Variants in CDK13 observed in about 807,000 individuals in gnomAD.
CDK13 encodes cyclin dependent kinase 13.
A neutral mutation model predicts 137.6 loss-of-function variants in CDK13; 40 were observed. The observed-to-expected ratio is 0.29, with a 90% CI of 0.23 to 0.38. CDK13 has a LOEUF of 0.38. Among genes scored for constraint, CDK13 ranks in the 10% least tolerant of loss-of-function variants. The pLI is 1.00. For synonymous variants in CDK13, 869 were observed against 760.1 expected, an observed-to-expected ratio of 1.14 and a Z score of -2.36; for missense variants, 1,704 against 1,951.8, an observed-to-expected ratio of 0.87 and a Z score of 2.39.
rs1317210492 is a variant in CDK13 at position 39,950,932 on chromosome 7, G to A, written c.291G>A (p.Arg97=). The change falls in exon 1 of 14, where the codon AGG becomes AGA. Residue 97 remains arginine (R), a synonymous_variant. Coordinates refer to ENST00000181839, the MANE Select transcript of CDK13 (RefSeq NM_003718.5). ...LEVKRLARGK[R]RAGGRQKRRR... ...TCAAGCGGCTGGCGAGAGGCAAGAG[G>A]CGCGCAGGAGGGCGGCAGAAGCGGC... The A allele has an allele frequency of 2.3e-6, 3 of 1,315,362 alleles. No individual in the cohort carries two copies. The highest frequency in any genetic ancestry group is 4.2e-5 in the Admixed American group (1 of 24,016). 81.5% of individuals were successfully genotyped at this position (1,315,362 alleles called of 1,614,324 possible).
At chr7:40,088,438 A>G in intron 12 of CDK13, 107 bp downstream of exon 12, 2 of 871,798 alleles carry the variant, frequency 2.3e-6, no homozygotes, top group Admixed American at 2.5e-5. Flanking sequence ...GAAAATTAAC[A>G]TTTATTCACT....
At chr7:39,989,859 T>C (rs1454377045) in intron 2 of CDK13, among the ~76,000 whole-genome samples, 1 of 151,566 alleles carries the variant, frequency 6.6e-6, no homozygotes, top group African/African-American at 2.4e-5. Flanking sequence ...CTCGGCTCAC[T>C]GCAAGCTCTG....
chr7:40,063,195 A>G, intron 9 of CDK13, 95 bp downstream of exon 9: 2 of 908,918 alleles, frequency 2.2e-6, no homozygotes, highest in Admixed American at 4.1e-5. Context: ...CAGGAAGAGA[A>G]CAACATGGTT....
intron 1 of CDK13, among the ~76,000 whole-genome samples, chr7:39,959,558 C>G (rs891868164): frequency 2.0e-5 from 3 of 151,570 alleles, no homozygotes; most frequent in Non-Finnish European, 1.5e-5. Flanking sequence ...CCTCCACCTC[C>G]CAGCTCAAGT....
chr7:39,999,026 AG>A (rs1784624405), intron 3 of CDK13: 1 of 168,982 alleles, frequency 5.9e-6, no homozygotes, highest in Non-Finnish European at 1.3e-5. Flanking sequence ...GAGATTGGTT[AG>A]AGAATTTTGA....
At chr7:40,043,470 C>T (rs560216397) in intron 5 of CDK13, among the ~76,000 whole-genome samples, 4 of 152,234 alleles carry the variant, frequency 2.6e-5, no homozygotes, top group African/African-American at 7.2e-5. Flanking sequence ...TAAGTCTCCT[C>T]GCTCCTGGTG....
chr7:40,075,134 A>G (rs1786518169), intron 9 of CDK13, among the ~76,000 whole-genome samples: 1 of 152,176 alleles, frequency 6.6e-6, no homozygotes, highest in Admixed American at 6.5e-5. Context: ...AGGAATATTA[A>G]AAGCACAATA....
intron 2 of CDK13, 26 bp from the exon 3 acceptor site, chr7:39,997,468 A>T (rs748418526): frequency 1.3e-6 from 2 of 1,580,216 alleles, no homozygotes; most frequent in Admixed American, 2.1e-5. Context: ...TTTTTGTTTT[A>T]TTTGTCTGAC....
chr7:40,079,331 A>G (rs1786614485), intron 11 of CDK13, among the ~76,000 whole-genome samples: 1 of 152,130 alleles, frequency 6.6e-6, no homozygotes, highest in Admixed American at 6.5e-5. Context: ...AGGCAGGAGA[A>G]TCGCTTGAAC....
intron 2 of CDK13, among the ~76,000 whole-genome samples, chr7:39,995,664 T>C (rs1318288542): frequency 6.6e-6 from 1 of 152,186 alleles, no homozygotes; most frequent in Non-Finnish European, 1.5e-5. Flanking sequence ...ATTTGCTGAA[T>C]GGAGGGAGAG....
Position 39,951,670 on chromosome 7 carries a change from G to T in CDK13, c.1029G>T (p.Pro343=). Residue 343 remains proline, a synonymous_variant, in exon 1 of 14, where the codon CCG becomes CCT. Coordinates refer to ENST00000181839, the MANE Select transcript of CDK13 (RefSeq NM_003718.5). ...QSLRSRKSPS[P]AGGGSSPYSR... is the part of the protein sequence containing the mutation. ...TGAGGAGCCGCAAGTCCCCCAGCCC[G>T]GCAGGAGGTGGCAGCAGCCCCTATT... 3 of 1,468,668 alleles carry T rather than the reference G, an allele frequency of 2.0e-6. No homozygotes were observed. Among genetic ancestry groups the T allele is most frequent in the Non-Finnish European group, 2.7e-6 (3 of 1,115,754 alleles). 91.0% of individuals were successfully genotyped at this position (1,468,668 alleles called of 1,614,324 possible). A position where few individuals can be genotyped will look rare whatever the true frequency, so the allele number is the denominator to read the frequency against.
chr7:40,095,377 A>C lies in CDK13; in HGVS notation c.*397A>C, dbSNP rs893734270. 6.5e-6 allele frequency: 1 copy of C among 154,296 alleles called. No individual in the cohort carries two copies. The highest frequency in any genetic ancestry group is 1.4e-5 in the Non-Finnish European group (1 of 69,272). 9.6% of individuals were successfully genotyped at this position (154,296 alleles called of 1,614,324 possible). ...GCCCCTCCCCACCTCCAGTTTTACA[A>C]CAATCAGAAAGGGCACTGATTTATT... is the stretch of plus-strand genomic sequence containing the variant. On this transcript the variant is annotated 3_prime_UTR_variant, in exon 14 of 14. Transcript: ENST00000181839.
intron 1 of CDK13, among the ~76,000 whole-genome samples, chr7:39,955,774 G>C (rs1787387435): frequency 6.6e-6 from 1 of 151,984 alleles, no homozygotes; most frequent in Non-Finnish European, 1.5e-5. Context: ...ATTTCTTGAA[G>C]ACATTAATTA....
chr7:40,068,467 G>A (rs1326651501), intron 9 of CDK13, among the ~76,000 whole-genome samples: 4 of 151,700 alleles, frequency 2.6e-5, no homozygotes, highest in African/African-American at 4.8e-5. Flanking sequence ...AGGCCAAGGC[G>A]GGCGGATCAC....
intron 5 of CDK13, among the ~76,000 whole-genome samples, chr7:40,021,852 A>G (rs1229913529): frequency 6.6e-6 from 1 of 152,156 alleles, no homozygotes; most frequent in Non-Finnish European, 1.5e-5. Context: ...TCAAGCAGAT[A>G]GTTATTTCTG....
intron 1 of CDK13, among the ~76,000 whole-genome samples, chr7:39,979,215 T>C (rs1460619080): frequency 9.7e-5 from 12 of 123,182 alleles, no homozygotes; most frequent in African/African-American, 4.4e-4. Context: ...TTCTTTTTTT[T>C]CTTTTTTTTT....
chr7:40,042,064 G>A (rs1785617797), intron 5 of CDK13, among the ~76,000 whole-genome samples: 2 of 151,888 alleles, frequency 1.3e-5, no homozygotes, highest in African/African-American at 2.4e-5. Flanking sequence ...TTCTGTTGTG[G>A]GATTGGTATT....
At chr7:39,962,513 T>G (rs1435187408) in intron 1 of CDK13, among the ~76,000 whole-genome samples, 1 of 152,244 alleles carries the variant, frequency 6.6e-6, no homozygotes, top group Admixed American at 6.5e-5. Context: ...TTTAAGTTCA[T>G]TGTAGATTCT....
Position 40,098,477 on chromosome 7 carries a change from A to G in CDK13, c.*3497A>G, listed in dbSNP as rs1384932607. ...GGTAAAAAAAACAAAGCTGAAATAT[A>G]TGTTTTGAATATAGATAGCTAATTC... On this transcript the variant is annotated 3_prime_UTR_variant, in exon 14 of 14. Transcript: ENST00000181839. 6.6e-6 allele frequency: 1 copy of G among 150,724 alleles called. No homozygotes were observed. Among genetic ancestry groups the G allele is most frequent in the Non-Finnish European group, 1.5e-5 (1 of 67,730 alleles). 9.3% of individuals were successfully genotyped at this position (150,724 alleles called of 1,614,324 possible). A position where few individuals can be genotyped will look rare whatever the true frequency, so the allele number is the denominator to read the frequency against.
Sources: allele counts gnomAD v4.1 joint callset (sites outside exome capture counted in the v4.1 genomes callset), GRCh38; gene constraint gnomAD v4.1.1; transcripts MANE v1.5; gene names NCBI Gene and HGNC (gene_info 2026-07-23, HGNC 2026-07-21).